Variants in RAI1 observed in about 807,000 individuals in gnomAD.
The protein encoded by RAI1 is retinoic acid induced 1.
A neutral mutation model predicts 123.8 loss-of-function variants in RAI1; 9 were observed. The ratio of observed to expected loss-of-function variants is 0.07; its 90% confidence interval spans 0.04 to 0.13. The LOEUF (loss-of-function observed/expected upper bound fraction) is 0.13. Among genes scored for constraint, RAI1 ranks in the 10% least tolerant of loss-of-function variants. The pLI is 1.00. For synonymous variants in RAI1, 1,231 were observed against 1,127.3 expected, an observed-to-expected ratio of 1.09 and a Z score of -1.84; for missense variants, 2,256 against 2,545.8, an observed-to-expected ratio of 0.89 and a Z score of 2.45.
At chr17:17,782,047 G>A (rs1470944562) in intron 2 of RAI1, 1 of 152,184 alleles carries the variant, frequency 6.6e-6, no homozygotes. Flanking sequence ...GCGAAGGGAC[G>A]ACAGCGCCGG....
intron 2 of RAI1, chr17:17,759,072 A>G (rs2030572384): frequency 1.3e-5 from 2 of 152,224 alleles, no homozygotes; most frequent in South Asian, 4.1e-4. Context: ...AATTGCGCAG[A>G]TAAGGATACC....
At chr17:17,788,592 G>T (rs1567908397) in intron 2 of RAI1, among the ~76,000 whole-genome samples, 1 of 152,136 alleles carries the variant, frequency 6.6e-6, no homozygotes, top group Non-Finnish European at 1.5e-5. Flanking sequence ...CCTTGAGTGG[G>T]TTGGGTTTTT....
chr17:17,717,671 C>T lies in RAI1; in HGVS notation c.-148-6357C>T, dbSNP rs919961216. 3.3e-5 allele frequency among the ~76,000 whole-genome samples: 5 copies of T among 152,176 alleles called. No individual in the cohort carries two copies. In the East Asian group the frequency reaches 9.6e-4, roughly 29 times the overall value. On this transcript the variant is annotated intron_variant, in intron 1 of 5. Coordinates refer to ENST00000353383, the MANE Select transcript of RAI1 (RefSeq NM_030665.4). ...TCTTTCCCCCAGCCAGCCTCCTGCC[C>T]CCCACCTGGGCCCTCTGAACCCCAG... is the stretch of plus-strand genomic sequence containing the variant.
Position 17,797,619 on chromosome 17 carries a change from C to T in RAI1, c.4671C>T (p.Ala1557=). Residue 1557 remains alanine (A), a synonymous_variant, in exon 3 of 6, where the codon GCC becomes GCT. Coordinates refer to ENST00000353383, the MANE Select transcript of RAI1 (RefSeq NM_030665.4). ...CCTCTTCACCCTGTAAGGGGCGTGC[C>T]AAGCGACGACGACAGCAGCAGGTGC... ...NTTSSPCKGR[A]KRRRQQQVLP... is the part of the protein sequence containing the mutation. The T allele has an allele frequency of 2.5e-6, 4 of 1,613,970 alleles. No homozygotes were observed. Among genetic ancestry groups the T allele is most frequent in the Non-Finnish European group, 3.4e-6 (4 of 1,180,040 alleles).
intron 2 of RAI1, among the ~76,000 whole-genome samples, chr17:17,770,525 C>T (rs2031112262): frequency 6.6e-6 from 1 of 152,104 alleles, no homozygotes; most frequent in African/African-American, 2.4e-5. Context: ...ATTCCTTTCT[C>T]ACGCCCCGGC....
Position 17,797,676 on chromosome 17 carries a change from C to T in RAI1, c.4728C>T (p.Arg1576=), listed in dbSNP as rs754309840. 1 of 1,613,810 alleles carries T rather than the reference C, an allele frequency of 6.2e-7. No homozygotes were observed. The highest frequency in any genetic ancestry group is 8.5e-7 in the Non-Finnish European group (1 of 1,179,898). Residue 1576 remains arginine (R), a synonymous_variant, in exon 3 of 6, where the codon CGC becomes CGT. Coordinates refer to ENST00000353383, the MANE Select transcript of RAI1 (RefSeq NM_030665.4). ...LPLDPAEPEI[R]LKYISSCKRL... ...TGGATCCCGCAGAGCCTGAAATCCG[C>T]CTCAAGTACATTTCCTCTTGCAAGC...
rs201721839 is a variant in RAI1 at position 17,796,761 on chromosome 17, G to A, written c.3813G>A (p.Lys1271=). The change falls in exon 3 of 6, where the codon AAG becomes AAA. Residue 1271 remains lysine (K), a synonymous_variant. Coordinates refer to ENST00000353383, the MANE Select transcript of RAI1 (RefSeq NM_030665.4). The surrounding 1 kb of genome is among the most constrained non-coding windows in gnomAD (Gnocchi z 5.8). ...CTGAGGGTTCCCCCACCCTCTTCAA[G>A]AGGATGTCTTCTCCCAAGAAAGCCA... ...ERPEGSPTLF[K]RMSSPKKAKP... 1.2e-6 allele frequency: 2 copies of A among 1,613,286 alleles called. No individual in the cohort carries two copies. The highest frequency in any genetic ancestry group is 1.7e-6 in the Non-Finnish European group (2 of 1,179,820).
In RAI1 at chr17:17,796,573, G is replaced by T; in HGVS notation, c.3625G>T (p.Gly1209Cys). ...VSQRARVPKP[G>C]AGSKLSDRPL... Reference sequence around the variant, plus strand: ...CCAGCGGGCAAGGGTCCCCAAACCTGGTGCAGGCAGCAAGCTCTCTGACCG... The same window carrying T: ...CCAGCGGGCAAGGGTCCCCAAACCTTGTGCAGGCAGCAAGCTCTCTGACCG... The change falls in exon 3 of 6, where the codon GGT becomes TGT. Residue 1209 changes from glycine to cysteine, a missense_variant. This residue lies in a region of RAI1 where 322 missense variants were observed against 358.0 expected (regional missense o/e 0.90). Coordinates refer to ENST00000353383, the MANE Select transcript of RAI1 (RefSeq NM_030665.4). The surrounding 1 kb of genome is among the most constrained non-coding windows in gnomAD (Gnocchi z 5.8). 6.2e-7 allele frequency: 1 copy of T among 1,611,506 alleles called. No individual in the cohort carries two copies.
rs2029974196 is a variant in RAI1 at position 17,747,504 on chromosome 17, G to A, written c.-17+23345G>A. 2.0e-5 allele frequency among the ~76,000 whole-genome samples: 3 copies of A among 152,192 alleles called. No homozygotes were observed. The South Asian group carries it at 6.2e-4, about 31-fold the overall frequency. ...CTTGAGGTGAGGGCAACCGACATAG[G>A]GCTGTCCTGGCAGCCCATCCTGGGC... is the stretch of plus-strand genomic sequence containing the variant. On this transcript the variant is annotated intron_variant, in intron 2 of 5. Transcript: ENST00000353383.
chr17:17,764,900 T>C (rs1399808537), intron 2 of RAI1, among the ~76,000 whole-genome samples: 1 of 152,276 alleles, frequency 6.6e-6, no homozygotes, highest in Non-Finnish European at 1.5e-5. Flanking sequence ...TCCTCTTCTT[T>C]TACTATTTAT....
At chr17:17,711,465 A>G (rs1172888452) in intron 1 of RAI1, among the ~76,000 whole-genome samples, 1 of 152,106 alleles carries the variant, frequency 6.6e-6, no homozygotes, top group Non-Finnish European at 1.5e-5. Flanking sequence ...CAGTCCTTTC[A>G]GAGGCAGCCA....
intron 2 of RAI1, chr17:17,778,937 A>C (rs1172839114): frequency 2.2e-6 from 1 of 456,796 alleles, no homozygotes; most frequent in Middle Eastern, 3.2e-4. Flanking sequence ...GGGCCTGGGA[A>C]GAGGGGCCAG....
chr17:17,799,407 T>G lies in RAI1; in HGVS notation c.5565+894T>G, dbSNP rs1183302327. 6.6e-6 allele frequency among the ~76,000 whole-genome samples: 1 copy of G among 151,908 alleles called. No individual in the cohort carries two copies. Among genetic ancestry groups the G allele is most frequent in the Non-Finnish European group, 1.5e-5 (1 of 67,960 alleles). On this transcript the variant is annotated intron_variant, in intron 3 of 5. Transcript: ENST00000353383. The surrounding 1 kb of genome is among the most constrained non-coding windows in gnomAD (Gnocchi z 4.5). The stretch of plus-strand genomic sequence containing the variant: ...TCACCACTTCCCCAGTACCATAGAG[T>G]ACCTCTGTGCCCTTCTGAGGGAGGG...
At chr17:17,783,733 GC>G (rs2031713131) in intron 2 of RAI1, among the ~76,000 whole-genome samples, 1 of 151,862 alleles carries the variant, frequency 6.6e-6, no homozygotes, top group Admixed American at 6.6e-5. Context: ...TGGCCGGGGC[GC>G]CCGGTGACCC....
rs1355035009 is a variant in RAI1, at chr17:17,811,080, TGCCAGTCCGTCC to T, written c.*1103_*1114del. ...GCCACCACCGGCCCGGGCCAGTCCC[TGCCAGTCCGTCC>T]GCCTGTCCGTCCGTGTCCTCAGCTC... On this transcript the variant is annotated 3_prime_UTR_variant, in exon 6 of 6. Transcript: ENST00000353383. 3.4e-6 allele frequency: 1 copy of T among 296,274 alleles called. No individual in the cohort carries two copies. Among genetic ancestry groups the T allele is most frequent in the Non-Finnish European group, 6.7e-6 (1 of 149,030 alleles). The allele number at this position is 296,274 out of a possible 1,614,324, so 18.4% of individuals were successfully genotyped here.
chr17:17,796,147 C>A lies in RAI1; in HGVS notation c.3199C>A (p.Arg1067Ser). ...TTCTCTCACGGCCCTGAGTGAGCCC[C>A]GCACGCCCGGACCCCCAGGCCTGAC... is the stretch of plus-strand genomic sequence containing the variant. ...TRSLTALSEPRTPGPPGLTTT... is the reference protein window; with the variant it reads ...TRSLTALSEPSTPGPPGLTTT... Residue 1067 changes from arginine to serine, a missense_variant, in exon 3 of 6, where the codon CGC becomes AGC. Arg to Ser is a moderately radical substitution (Grantham distance 110). This residue lies in a region of RAI1 where 566 missense variants were observed against 616.0 expected (regional missense o/e 0.92). Transcript: ENST00000353383. This position sits in a 1 kb window ranked among gnomAD's most constrained non-coding sequence, Gnocchi z 5.8. 1 of 1,569,126 alleles carries A rather than the reference C, an allele frequency of 6.4e-7. No individual in the cohort carries two copies. Among genetic ancestry groups the A allele is most frequent in the East Asian group, 2.3e-5 (1 of 43,298 alleles).
chr17:17,804,067 G>C (rs2032548352), intron 4 of RAI1: 1 of 662,148 alleles, frequency 1.5e-6, no homozygotes, highest in Non-Finnish European at 2.8e-6. Context: ...CCTGCTTGAG[G>C]AGTGCCCAGA....
intron 1 of RAI1, among the ~76,000 whole-genome samples, chr17:17,701,988 A>T (rs1455877330): frequency 6.6e-6 from 1 of 152,262 alleles, no homozygotes; most frequent in Non-Finnish European, 1.5e-5. Flanking sequence ...TAATGGAAAA[A>T]GGACCAATTT....
chr17:17,701,050 CT>C (rs1245578398), intron 1 of RAI1, among the ~76,000 whole-genome samples: 2 of 152,204 alleles, frequency 1.3e-5, no homozygotes, highest in Non-Finnish European at 2.9e-5. Flanking sequence ...ACAAAGACCC[CT>C]CTCCCTCCTC....
Sources: allele counts gnomAD v4.1 joint callset (sites outside exome capture counted in the v4.1 genomes callset), GRCh38; gene constraint gnomAD v4.1.1; regional missense constraint gnomAD v4.1.1; non-coding constraint Gnocchi (gnomAD v3.1); transcripts MANE v1.5; gene names NCBI Gene and HGNC (gene_info 2026-07-23, HGNC 2026-07-21).